Variants in RBFOX1 observed in about 807,000 individuals in gnomAD.
The protein encoded by RBFOX1 is RNA binding fox-1 homolog 1.
A neutral mutation model predicts 57.7 loss-of-function variants in RBFOX1; 8 were observed. The observed-to-expected ratio is 0.14, with a 90% confidence interval of 0.08 to 0.25. The LOEUF is 0.25. Ranked by LOEUF, RBFOX1 falls within the 10% of genes least tolerant of loss-of-function variation. The probability of loss-of-function intolerance (pLI) is 1.00; values close to 1 mark genes in which losing one functional copy is unlikely to be tolerated. For synonymous variants in RBFOX1, 326 were observed against 222.4 expected (o/e 1.47, Z -4.15); for missense variants, 611 against 548.5 (o/e 1.11, Z -1.14).
chr16:7,041,281 C>A (rs768327028), intron 3 of RBFOX1, among the ~76,000 whole-genome samples: 8 of 152,002 alleles, frequency 5.3e-5, no homozygotes, highest in Non-Finnish European at 8.8e-5. Flanking sequence ...TTTGTTTACA[C>A]GTTGTCAGTG....
At chr16:7,598,931 G>C (rs1451747523) in intron 9 of RBFOX1, among the ~76,000 whole-genome samples, 1 of 152,090 alleles carries the variant, frequency 6.6e-6, no homozygotes, top group Non-Finnish European at 1.5e-5. Context: ...TGATTTTCCT[G>C]TTTCTTTTGC....
rs1009809422 is a variant in RBFOX1 at position 5,944,559 on chromosome 16, G to A, written c.351+77224G>A. ...ATCCCGAGTTGGTCCCTTCGGAGCTGTGTGAGTCATGCCTCAGTTTCGACA... is the reference window on the plus strand; with the variant it reads ...ATCCCGAGTTGGTCCCTTCGGAGCTATGTGAGTCATGCCTCAGTTTCGACA... On this transcript the variant is annotated intron_variant, in intron 4 of 19. Transcript: ENST00000641259. Among the ~76,000 whole-genome samples, 3 of 151,990 alleles carry A rather than the reference G, an allele frequency of 2.0e-5. No homozygotes were observed. In the East Asian group the frequency reaches 5.8e-4, roughly 29 times the overall value.
At chr16:6,633,885 C>T (rs1422024599) in intron 2 of RBFOX1, among the ~76,000 whole-genome samples, 1 of 152,044 alleles carries the variant, frequency 6.6e-6, no homozygotes, top group South Asian at 2.1e-4. Flanking sequence ...GTGGTGCATG[C>T]CTGTAGTCCT....
intron 3 of RBFOX1, among the ~76,000 whole-genome samples, chr16:6,919,295 T>A (rs1276835747): frequency 6.6e-6 from 1 of 152,168 alleles, no homozygotes; most frequent in Non-Finnish European, 1.5e-5. Context: ...GCCCAAGAGG[T>A]AATGTTTCTT....
chr16:6,957,339 G>A (rs1280291986), intron 3 of RBFOX1, among the ~76,000 whole-genome samples: 3 of 151,986 alleles, frequency 2.0e-5, no homozygotes, highest in Non-Finnish European at 4.4e-5. Context: ...CACCATGTTA[G>A]CCAGGATGGT....
chr16:7,197,758 A>G (rs914503824), intron 4 of RBFOX1, among the ~76,000 whole-genome samples: 11 of 152,300 alleles, frequency 7.2e-5, no homozygotes, highest in African/African-American at 2.4e-4. Flanking sequence ...AAATAAGTGG[A>G]GTACTGATAC....
chr16:5,793,233 A>C (rs1597277488), intron 3 of RBFOX1, among the ~76,000 whole-genome samples: 1 of 152,202 alleles, frequency 6.6e-6, no homozygotes, highest in African/African-American at 2.4e-5. Context: ...TGCTGTGCTG[A>C]CCGGCTCCTT....
chr16:6,935,102 G>T (rs919760463), intron 3 of RBFOX1, among the ~76,000 whole-genome samples: 3 of 151,708 alleles, frequency 2.0e-5, no homozygotes, highest in Non-Finnish European at 2.9e-5. Flanking sequence ...AAAAAAAAAA[G>T]AAAAAGAAAA....
intron 2 of RBFOX1, among the ~76,000 whole-genome samples, chr16:6,451,740 G>A (rs1391625138): frequency 1.3e-5 from 2 of 152,164 alleles, no homozygotes; most frequent in East Asian, 1.9e-4. Flanking sequence ...CACAGACAGA[G>A]CACATACAGT....
intron 3 of RBFOX1, among the ~76,000 whole-genome samples, chr16:6,937,881 G>A (rs1445948555): frequency 1.3e-5 from 2 of 149,970 alleles, no homozygotes; most frequent in Non-Finnish European, 1.5e-5. Flanking sequence ...ATTCCAAAAG[G>A]GAGATGGGTA....
intron 2 of RBFOX1, among the ~76,000 whole-genome samples, chr16:6,445,077 A>G (rs35691615): frequency 0.072 from 10,974 of 152,124 alleles, 494 homozygotes; most frequent in South Asian, 0.14. Flanking sequence ...TGTGGGAGGC[A>G]TTCATGGCCC....
chr16:7,016,769 A>G (rs926156156), intron 3 of RBFOX1, among the ~76,000 whole-genome samples: 1 of 152,128 alleles, frequency 6.6e-6, no homozygotes, highest in Non-Finnish European at 1.5e-5. Flanking sequence ...CCGTTTTAGG[A>G]TGCTGTGAGC....
intron 2 of RBFOX1, among the ~76,000 whole-genome samples, chr16:6,599,279 C>A (rs1250765179): frequency 6.6e-6 from 1 of 152,118 alleles, no homozygotes; most frequent in African/African-American, 2.4e-5. Flanking sequence ...TCCAATAAAG[C>A]AAAACCACAT....
intron 4 of RBFOX1, among the ~76,000 whole-genome samples, chr16:5,936,185 G>A (rs570441019): frequency 3.0e-4 from 45 of 152,228 alleles, no homozygotes; most frequent in African/African-American, 7.5e-4. Flanking sequence ...GTGCCGTGGC[G>A]TGATCTTGGC....
chr16:7,319,695 C>A (rs547183087), intron 4 of RBFOX1, among the ~76,000 whole-genome samples: 1 of 152,214 alleles, frequency 6.6e-6, no homozygotes, highest in South Asian at 2.1e-4. Context: ...TTCCAGGGTT[C>A]CTTACTTAGC....
chr16:6,655,402 A>AAAAAAAAAAAAAAC (rs1716433419), intron 3 of RBFOX1, among the ~76,000 whole-genome samples: 1 of 139,918 alleles, frequency 7.1e-6, no homozygotes. Flanking sequence ...AAAAAAAAAA[A>AAAAAAAAAAAAAAC]AGAGCTCGCG....
At chr16:5,600,622 C>CCACTGCTT (rs1287715968), downstream of RBFOX1, among the ~76,000 whole-genome samples, 2 of 151,998 alleles carry the variant, frequency 1.3e-5, no homozygotes, top group African/African-American at 4.8e-5. Flanking sequence ...CTCTAAGGGC[C>CCACTGCTT]CACTGCTTGG....
intron 5 of RBFOX1, among the ~76,000 whole-genome samples, chr16:7,572,429 T>G (rs2092881363): frequency 6.6e-6 from 1 of 152,130 alleles, no homozygotes. Flanking sequence ...CCAGGAGACA[T>G]TTGAATCCCA....
At chr16:6,315,746 G>T (rs10500342) in intron 1 of RBFOX1, among the ~76,000 whole-genome samples, 47,983 of 152,040 alleles carry the variant, frequency 0.32, 8,046 homozygotes, top group Middle Eastern at 0.4. Flanking sequence ...TTCAACCACT[G>T]AATAGCTCTA....
Sources: allele counts gnomAD v4.1 joint callset (sites outside exome capture counted in the v4.1 genomes callset), GRCh38; gene constraint gnomAD v4.1.1; transcripts MANE v1.5; gene names NCBI Gene and HGNC (gene_info 2026-07-23, HGNC 2026-07-21).